CLOCK: variants seen among roughly 807,000 people sequenced by gnomAD.
CLOCK encodes circadian locomoter output cycles protein kaput.
CLOCK carries 43 observed loss-of-function variants against 118.4 expected under a neutral mutation model. The ratio of observed to expected loss-of-function variants is 0.36; its 90% CI spans 0.28 to 0.47. The LOEUF (loss-of-function observed/expected upper bound fraction) is 0.47. Ranked by LOEUF, CLOCK falls within the 20% of genes least tolerant of loss-of-function variation. CLOCK has a pLI of 1.00. For synonymous variants in CLOCK, 326 were observed against 339.2 expected, an observed-to-expected ratio of 0.96 and a Z score of 0.43; for missense variants, 846 against 999.9, an observed-to-expected ratio of 0.85 and a Z score of 2.08.
At chr4:55,528,281 G>A (rs966201240) in intron 1 of CLOCK, among the ~76,000 whole-genome samples, 5 of 152,088 alleles carry the variant, frequency 3.3e-5, no homozygotes, top group African/African-American at 1.2e-4. Context: ...AGGAGGCAGA[G>A]GTTGCAGTGA....
chr4:55,482,523 A>G lies in CLOCK; in HGVS notation c.47+216T>C, dbSNP rs192595156. Reference sequence around the variant, plus strand: ...AAAATTACAAGTCAGGACTCATTTAAAACACACAAGCCATATGCTGCTGAC... The same window carrying G: ...AAAATTACAAGTCAGGACTCATTTAGAACACACAAGCCATATGCTGCTGAC... On this transcript the variant is annotated intron_variant, in intron 4 of 22. Coordinates refer to ENST00000513440, the MANE Select transcript of CLOCK (RefSeq NM_004898.4). Among the ~76,000 whole-genome samples the G allele has an allele frequency of 1.1e-4, 17 of 152,302 alleles. No homozygotes were observed. In the East Asian group the frequency reaches 3.1e-3, roughly 28 times the overall value.
chr4:55,477,085 G>C (rs907244292), intron 6 of CLOCK, among the ~76,000 whole-genome samples: 1 of 151,930 alleles, frequency 6.6e-6, no homozygotes, highest in African/African-American at 2.4e-5. Context: ...TTTGGGAAAA[G>C]GATTTAAATC....
intron 1 of CLOCK, among the ~76,000 whole-genome samples, chr4:55,542,370 ATAATAATAATATTATTAT>A (rs372578866): frequency 0.35 from 38,403 of 108,686 alleles, 6,184 homozygotes; most frequent in East Asian, 0.56. Context: ...AATAATAATA[ATAATAATAATATTATTAT>A]TATTATTATT....
chr4:55,443,881 A>T lies in CLOCK; in HGVS notation c.1708T>A (p.Ser570Thr), dbSNP rs753731404. 1.3e-5 allele frequency: 21 copies of T among 1,612,648 alleles called. No homozygotes were observed. Among genetic ancestry groups the T allele is most frequent in the Non-Finnish European group, 1.8e-5 (21 of 1,179,852 alleles). The change falls in exon 20 of 23, where the codon TCA (serine) becomes ACA (threonine). Residue 570 changes from serine (S) to threonine (T), a missense_variant. By Grantham distance (58) the Ser-to-Thr change is moderately conservative (BLOSUM62 1). This residue lies in a region of CLOCK where 520 missense variants were observed against 558.0 expected (regional missense o/e 0.93). Transcript: ENST00000513440. ...GAACCAAAATTCAACCCAGGATTTG[A>T]TTGTTGCAAAAACATCTTTAAAAAT... ...GQGLQMFLQQ[S>T]NPGLNFGSVQ...
intron 6 of CLOCK, among the ~76,000 whole-genome samples, chr4:55,476,736 A>G (rs4864999): frequency 0.34 from 51,356 of 152,062 alleles, 9,367 homozygotes; most frequent in East Asian, 0.58. Context: ...ATTTCACTAC[A>G]TACTTCTAAT....
intron 1 of CLOCK, chr4:55,540,919 T>C (rs757585942): frequency 6.6e-6 from 1 of 152,218 alleles, no homozygotes; most frequent in Non-Finnish European, 1.5e-5. Flanking sequence ...ATCGTCGTCA[T>C]TATTAATGTA....
chr4:55,460,337 C>T (rs1025313575), intron 9 of CLOCK, among the ~76,000 whole-genome samples: 2 of 152,172 alleles, frequency 1.3e-5, no homozygotes, highest in African/African-American at 2.4e-5. Context: ...TAGCATTTTA[C>T]GTGAGACAAA....
At chr4:55,492,881 G>C (rs113157396) in intron 2 of CLOCK, among the ~76,000 whole-genome samples, 3 of 152,104 alleles carry the variant, frequency 2.0e-5, no homozygotes, top group African/African-American at 7.2e-5. Context: ...AGTAAAGCTA[G>C]AACAAATTTA....
intron 2 of CLOCK, among the ~76,000 whole-genome samples, chr4:55,503,978 T>TAAAAGAAAAAAAAAAAAAGAA (rs1553900254): frequency 1.4e-5 from 1 of 71,130 alleles, no homozygotes; most frequent in Admixed American, 2.3e-4. Context: ...CAAAAAGAGG[T>TAAAAGAAAAAAAAAAAAAGAA]AAAAAAAAAA....
At chr4:55,455,456 G>T (rs1724856971) in intron 13 of CLOCK, among the ~76,000 whole-genome samples, 1 of 152,122 alleles carries the variant, frequency 6.6e-6, no homozygotes, top group South Asian at 2.1e-4. Flanking sequence ...TAATGCTCCT[G>T]CTCTAACAAC....
intron 1 of CLOCK, among the ~76,000 whole-genome samples, chr4:55,529,822 C>A (rs1266808888): frequency 1.3e-5 from 2 of 152,312 alleles, no homozygotes; most frequent in South Asian, 4.1e-4. Context: ...ATTGTCAATG[C>A]TTTTAGCTAC....
intron 2 of CLOCK, among the ~76,000 whole-genome samples, chr4:55,493,557 T>C (rs3805153): frequency 6.6e-6 from 1 of 152,018 alleles, no homozygotes; most frequent in Non-Finnish European, 1.5e-5. Flanking sequence ...ACAGTAATTA[T>C]TTCTAAGAGA....
chr4:55,433,534 C>A lies in CLOCK; in HGVS notation c.*1881G>T, dbSNP rs1014524737. ...CCTAGCAATTCTGCATTAGGTTAAT[C>A]TTCATTATTCAGAACCTTTTCTGTT... On this transcript the variant is annotated 3_prime_UTR_variant, in exon 23 of 23. Transcript: ENST00000513440. The A allele has an allele frequency of 3.3e-5, 5 of 152,282 alleles. No individual in the cohort carries two copies. Among genetic ancestry groups the A allele is most frequent in the Admixed American group, 2.6e-4 (4 of 15,290 alleles). 9.4% of individuals were successfully genotyped at this position (152,282 alleles called of 1,614,324 possible). A position where few individuals can be genotyped will look rare whatever the true frequency, so the allele number is the denominator to read the frequency against.
chr4:55,436,892 C>CTTTTTTTTTT (rs35888413), intron 22 of CLOCK, among the ~76,000 whole-genome samples: 1 of 98,366 alleles, frequency 1.0e-5, no homozygotes, highest in African/African-American at 3.7e-5. Context: ...TTTGGGATGC[C>CTTTTTTTTTT]TTTTTTTTTT....
intron 19 of CLOCK, 144 bp downstream of exon 19, chr4:55,444,488 CT>C (rs1172247338): frequency 1.1e-6 from 1 of 923,650 alleles, no homozygotes; most frequent in Non-Finnish European, 1.7e-6. Context: ...TATAATCATA[CT>C]GAGTAGGTAA....
chr4:55,488,161 T>C (rs960532559), intron 3 of CLOCK, among the ~76,000 whole-genome samples: 1 of 152,214 alleles, frequency 6.6e-6, no homozygotes, highest in Non-Finnish European at 1.5e-5. Context: ...AGACGACCAC[T>C]TCTGCATTTA....
chr4:55,443,620 T>C, intron 20 of CLOCK, 67 bp downstream of exon 20: 1 of 1,203,620 alleles, frequency 8.3e-7, no homozygotes, highest in East Asian at 2.3e-5. Flanking sequence ...GCTTTATTTC[T>C]GCTTCAGCAA....
chr4:55,536,540 G>T lies in CLOCK; in HGVS notation c.-290+10242C>A, dbSNP rs1730909760. On this transcript the variant is annotated intron_variant, in intron 1 of 22. Transcript: ENST00000513440. ...ACCTTGCTCTCTTGCTCCCACTCTTGCCTTGTCATGCACCTGCTCTCCCTT... is the reference window on the plus strand; with the variant it reads ...ACCTTGCTCTCTTGCTCCCACTCTTTCCTTGTCATGCACCTGCTCTCCCTT... 1.3e-5 allele frequency among the ~76,000 whole-genome samples: 2 copies of T among 152,078 alleles called. 1 individual carries two copies. The highest frequency in any genetic ancestry group is 4.8e-5 in the African/African-American group (2 of 41,406).
chr4:55,437,380 A>C (rs769458359), intron 22 of CLOCK, among the ~76,000 whole-genome samples: 4 of 152,226 alleles, frequency 2.6e-5, no homozygotes, highest in Non-Finnish European at 5.9e-5. Flanking sequence ...CAGCTAGGCC[A>C]GAAGGGGAAA....
Sources: allele counts gnomAD v4.1 joint callset (sites outside exome capture counted in the v4.1 genomes callset), GRCh38; gene constraint gnomAD v4.1.1; regional missense constraint gnomAD v4.1.1; transcripts MANE v1.5; gene names NCBI Gene and HGNC (gene_info 2026-07-23, HGNC 2026-07-21).